Variants in RGS7 observed in about 807,000 individuals in gnomAD.
RGS7 encodes the protein regulator of G protein signaling 7.
Under a neutral mutation model 81.1 loss-of-function variants are expected in RGS7, and 27 were observed. The ratio of observed to expected loss-of-function variants is 0.33; its 90% CI spans 0.25 to 0.46. The LOEUF is 0.46. Among genes scored for constraint, RGS7 ranks in the 20% least tolerant of loss-of-function variants. RGS7 has a pLI of 1.00. For synonymous variants in RGS7, 208 were observed against 207.7 expected (o/e 1.00, Z -0.01); for missense variants, 396 against 607.4 (o/e 0.65, Z 3.66).
At chr1:241,122,161 G>A (rs553230567) in intron 2 of RGS7, among the ~76,000 whole-genome samples, 1 of 152,204 alleles carries the variant, frequency 6.6e-6, no homozygotes, top group South Asian at 2.1e-4. Context: ...TCAACCCTTG[G>A]CACTTCATTC....
At chr1:240,819,469 G>A (rs1691393871) in intron 10 of RGS7, among the ~76,000 whole-genome samples, 1 of 152,204 alleles carries the variant, frequency 6.6e-6, no homozygotes, top group Non-Finnish European at 1.5e-5. Context: ...GGCCGGGCGT[G>A]GTGGCTCATG....
At chr1:240,888,893 A>G (rs954977882) in intron 6 of RGS7, among the ~76,000 whole-genome samples, 5 of 152,070 alleles carry the variant, frequency 3.3e-5, no homozygotes, top group Admixed American at 2.6e-4. Context: ...AGCGGGTGCA[A>G]AGGGCAGAGC....
chr1:240,937,393 T>C (rs906705222), intron 4 of RGS7, among the ~76,000 whole-genome samples: 2 of 152,232 alleles, frequency 1.3e-5, no homozygotes, highest in African/African-American at 4.8e-5. Context: ...CTTGGCATTC[T>C]GAAAACCTGG....
intron 2 of RGS7, among the ~76,000 whole-genome samples, chr1:241,348,792 A>G (rs1474503360): frequency 6.6e-6 from 1 of 152,210 alleles, no homozygotes; most frequent in Non-Finnish European, 1.5e-5. Flanking sequence ...AGATAGGGCT[A>G]AACAATGTAA....
chr1:241,086,690 T>C (rs1274327429), intron 3 of RGS7, among the ~76,000 whole-genome samples: 4 of 152,138 alleles, frequency 2.6e-5, no homozygotes, highest in Admixed American at 1.3e-4. Flanking sequence ...AAATTTTCAA[T>C]GGCTCTTTAC....
intron 2 of RGS7, among the ~76,000 whole-genome samples, chr1:241,236,775 G>A (rs2076003041): frequency 6.6e-6 from 1 of 152,146 alleles, no homozygotes; most frequent in Non-Finnish European, 1.5e-5. Flanking sequence ...CTTGAATATA[G>A]TATTGAGCAG....
intron 2 of RGS7, among the ~76,000 whole-genome samples, chr1:241,200,384 T>C (rs1162704566): frequency 2.6e-5 from 4 of 152,130 alleles, no homozygotes; most frequent in Non-Finnish European, 4.4e-5. Context: ...TTTCACAAAC[T>C]AAACACGTCC....
At chr1:240,909,469 C>A (rs1671371471) in intron 6 of RGS7, among the ~76,000 whole-genome samples, 1 of 152,058 alleles carries the variant, frequency 6.6e-6, no homozygotes, top group Non-Finnish European at 1.5e-5. Flanking sequence ...ATTTTTCTAC[C>A]TATAACTTAC....
chr1:241,224,225 T>G (rs945767831), intron 2 of RGS7, among the ~76,000 whole-genome samples: 1 of 151,960 alleles, frequency 6.6e-6, no homozygotes, highest in Non-Finnish European at 1.5e-5. Flanking sequence ...TAAATAATTC[T>G]CCAATGCTAT....
At chr1:241,250,288 G>A (rs2148206868) in intron 2 of RGS7, among the ~76,000 whole-genome samples, 1 of 152,200 alleles carries the variant, frequency 6.6e-6, no homozygotes, top group South Asian at 2.1e-4. Context: ...ATTTTATCGA[G>A]GGGGAGGAAT....
chr1:240,929,443 T>C lies in RGS7; in HGVS notation c.385+1274A>G, dbSNP rs138706329. 4.0e-3 allele frequency among the ~76,000 whole-genome samples: 607 copies of C among 152,282 alleles called. 2 individuals are homozygous for C. The highest frequency in any genetic ancestry group is 0.014 in the African/African-American group (583 of 41,514). ...TCACTACTGGAAAGAAATAATTTTG[T>C]CTCCGTATTAATTTTTCGGTATTCT... On this transcript the variant is annotated intron_variant, in intron 6 of 18. Coordinates refer to ENST00000440928, the MANE Select transcript of RGS7 (RefSeq NM_001364886.1).
chr1:241,180,486 T>C (rs1424627055), intron 2 of RGS7, among the ~76,000 whole-genome samples: 2 of 152,172 alleles, frequency 1.3e-5, no homozygotes, highest in Admixed American at 1.3e-4. Flanking sequence ...AAATAAAAAA[T>C]TATCAGTCCT....
At chr1:241,201,907 T>C (rs1391976457) in intron 2 of RGS7, among the ~76,000 whole-genome samples, 1 of 152,000 alleles carries the variant, frequency 6.6e-6, no homozygotes. Flanking sequence ...CTACAGCTAA[T>C]TGTTTATATG....
intron 2 of RGS7, among the ~76,000 whole-genome samples, chr1:241,305,327 G>A (rs2080023021): frequency 6.6e-6 from 1 of 152,140 alleles, no homozygotes; most frequent in Non-Finnish European, 1.5e-5. Context: ...TTTCTAGATG[G>A]AGTTTAATGT....
intron 2 of RGS7, among the ~76,000 whole-genome samples, chr1:241,194,281 C>T (rs1408332592): frequency 6.6e-6 from 1 of 152,092 alleles, no homozygotes; most frequent in Admixed American, 6.6e-5. Context: ...GACAAAATTT[C>T]ACATCCCATA....
intron 18 of RGS7, among the ~76,000 whole-genome samples, chr1:240,780,785 G>A (rs575069069): frequency 2.6e-5 from 4 of 151,516 alleles, no homozygotes; most frequent in South Asian, 2.1e-4. Context: ...GTGGTGGTGC[G>A]TGCCTGTAGT....
At chr1:241,025,348 C>T (rs540579008) in intron 3 of RGS7, among the ~76,000 whole-genome samples, 12 of 152,248 alleles carry the variant, frequency 7.9e-5, no homozygotes, top group Non-Finnish European at 1.5e-4. Flanking sequence ...GATCCATGGG[C>T]TTTATATGTA....
intron 3 of RGS7, among the ~76,000 whole-genome samples, chr1:240,989,429 T>A (rs1454375347): frequency 6.6e-6 from 1 of 150,988 alleles, no homozygotes; most frequent in Non-Finnish European, 1.5e-5. Flanking sequence ...AGTGAGACAC[T>A]GTCTCAAAAA....
At chr1:240,889,927 C>T (rs1388610955) in intron 6 of RGS7, among the ~76,000 whole-genome samples, 1 of 152,104 alleles carries the variant, frequency 6.6e-6, no homozygotes, top group South Asian at 2.1e-4. Flanking sequence ...CAAGAAGGTA[C>T]AAAAAGCTGA....
Sources: allele counts gnomAD v4.1 joint callset (sites outside exome capture counted in the v4.1 genomes callset), GRCh38; gene constraint gnomAD v4.1.1; transcripts MANE v1.5; gene names NCBI Gene and HGNC (gene_info 2026-07-23, HGNC 2026-07-21).